Variants in GRIN2A observed in about 807,000 individuals in gnomAD.
The protein encoded by GRIN2A is glutamate ionotropic receptor NMDA type subunit 2A.
GRIN2A carries 22 observed loss-of-function variants against 113.4 expected under a neutral mutation model. The observed-to-expected ratio is 0.19, with a 90% CI of 0.14 to 0.28. The LOEUF (loss-of-function observed/expected upper bound fraction) is 0.28. Ranked by LOEUF, GRIN2A falls within the 10% of genes least tolerant of loss-of-function variation. The probability of loss-of-function intolerance (pLI) is 1.00; values close to 1 mark genes in which losing one functional copy is unlikely to be tolerated. For missense variants in GRIN2A, 1,502 were observed against 1,887.0 expected (o/e 0.80, Z 3.78); for synonymous variants, 827 against 738.4 (o/e 1.12, Z -1.94).
At chr16:9,954,145 C>T (rs1006033862) in intron 2 of GRIN2A, among the ~76,000 whole-genome samples, 1 of 152,174 alleles carries the variant, frequency 6.6e-6, no homozygotes, top group Non-Finnish European at 1.5e-5. Context: ...TAACTCCCTA[C>T]ATGCTAAAGG....
intron 5 of GRIN2A, among the ~76,000 whole-genome samples, chr16:9,848,496 G>A (rs1374136988): frequency 6.6e-6 from 1 of 150,964 alleles, no homozygotes; most frequent in Non-Finnish European, 1.5e-5. Context: ...GATTATAGAT[G>A]TGAATCACTG....
At chr16:10,103,066 A>G (rs7206256) in intron 2 of GRIN2A, among the ~76,000 whole-genome samples, 61,607 of 152,066 alleles carry the variant, frequency 0.41, 12,639 homozygotes, top group East Asian at 0.46. Context: ...GACTAGCTGG[A>G]AAGATACTAA....
At chr16:9,979,917 T>TTGAAAA (rs1048470320) in intron 2 of GRIN2A, among the ~76,000 whole-genome samples, 8 of 150,600 alleles carry the variant, frequency 5.3e-5, no homozygotes, top group Non-Finnish European at 1.2e-4. Context: ...TTATATTATA[T>TTGAAAA]TGAAAATGAA....
chr16:9,885,674 C>G (rs910710444), intron 4 of GRIN2A, among the ~76,000 whole-genome samples: 10 of 152,222 alleles, frequency 6.6e-5, no homozygotes, highest in African/African-American at 2.4e-4. Flanking sequence ...ACAGCTCCCT[C>G]CTCAGCAGTC....
chr16:9,882,880 A>C (rs2043510898), intron 4 of GRIN2A, among the ~76,000 whole-genome samples: 1 of 152,240 alleles, frequency 6.6e-6, no homozygotes, highest in South Asian at 2.1e-4. Context: ...AATTGCATCC[A>C]GTGAGAGGAA....
At chr16:9,803,425 AAC>A (rs1491014612) in intron 10 of GRIN2A, among the ~76,000 whole-genome samples, 1 of 150,408 alleles carries the variant, frequency 6.6e-6, no homozygotes, top group African/African-American at 2.5e-5. Context: ...CAAAAAAAAA[AAC>A]AAGAAAGAAA....
chr16:10,035,557 C>T (rs1305858498), intron 2 of GRIN2A, among the ~76,000 whole-genome samples: 1 of 152,192 alleles, frequency 6.6e-6, no homozygotes, highest in African/African-American at 2.4e-5. Flanking sequence ...CAGGGTCTCA[C>T]AGACCCTAGG....
intron 4 of GRIN2A, among the ~76,000 whole-genome samples, chr16:9,869,103 C>T (rs1474639348): frequency 6.6e-6 from 1 of 152,124 alleles, no homozygotes; most frequent in Non-Finnish European, 1.5e-5. Context: ...GTACCCAGCC[C>T]AGGGCTGCTT....
intron 11 of GRIN2A, among the ~76,000 whole-genome samples, chr16:9,788,607 T>C (rs9746769): frequency 2.0e-5 from 3 of 151,814 alleles, no homozygotes; most frequent in Admixed American, 6.6e-5. Context: ...TCTCCTTTTT[T>C]CCCCCTCTAA....
At chr16:9,783,206 TA>T in intron 11 of GRIN2A, among the ~76,000 whole-genome samples, 1 of 152,320 alleles carries the variant, frequency 6.6e-6, no homozygotes, top group Admixed American at 6.5e-5. Context: ...GAAATCCACA[TA>T]AAAAATTAGA....
chr16:9,798,341 G>C lies in GRIN2A; in HGVS notation c.2292C>G (p.Ala764=). The change falls in exon 11 of 13, where the codon GCC becomes GCG. Residue 764 remains alanine, a synonymous_variant. Transcript: ENST00000330684. The part of the protein sequence containing the change: ...YIFATTGYGI[A]LQKGSPWKRQ... The stretch of plus-strand genomic sequence containing the variant: ...TCTTCCAAGGAGAGCCTTTCTGAAG[G>C]GCAATTCCATAACCGGTGGTGGCAA... The C allele has an allele frequency of 6.2e-7, 1 of 1,613,994 alleles. No individual in the cohort carries two copies. The highest frequency in any genetic ancestry group is 8.5e-7 in the Non-Finnish European group (1 of 1,179,954).
chr16:10,095,616 T>C (rs1006734513), intron 2 of GRIN2A, among the ~76,000 whole-genome samples: 2 of 152,164 alleles, frequency 1.3e-5, no homozygotes, highest in South Asian at 4.1e-4. Flanking sequence ...CCTAATAATA[T>C]AGGAGCTACA....
At chr16:10,142,789 G>C (rs1329401462) in intron 2 of GRIN2A, among the ~76,000 whole-genome samples, 1 of 152,150 alleles carries the variant, frequency 6.6e-6, no homozygotes, top group Admixed American at 6.5e-5. Context: ...CTCTGAATCA[G>C]ACCCTCTTGC....
intron 2 of GRIN2A, among the ~76,000 whole-genome samples, chr16:9,998,332 C>T (rs981586430): frequency 6.6e-6 from 1 of 152,118 alleles, no homozygotes; most frequent in Non-Finnish European, 1.5e-5. Flanking sequence ...ATAAAATGTC[C>T]AGAATAGGCA....
At chr16:10,112,658 G>C in intron 2 of GRIN2A, 2 of 764,420 alleles carry the variant, frequency 2.6e-6, no homozygotes, top group South Asian at 2.7e-5. Context: ...GCAGCAGCCA[G>C]AAACGATACT....
In GRIN2A at chr16:9,826,552, AAAAC is replaced by A. The variant is rs1458372596; in HGVS notation, c.2007+2867_2007+2870del. On this transcript the variant is annotated intron_variant, in intron 9 of 12. Transcript: ENST00000330684. ...AACAAAAAAACAAAAACAAAAAACA[AAAAC>A]AAAACCAACCACAGTGTACAATAAA... 6.6e-5 allele frequency among the ~76,000 whole-genome samples: 10 copies of A among 152,332 alleles called. No individual in the cohort carries two copies. The East Asian group carries it at 1.5e-3, about 23-fold the overall frequency.
chr16:10,107,886 C>A (rs986045560), intron 2 of GRIN2A, among the ~76,000 whole-genome samples: 11 of 152,184 alleles, frequency 7.2e-5, no homozygotes, highest in Non-Finnish European at 1.3e-4. Flanking sequence ...CAGAGGTGCA[C>A]AAAACGTGCA....
chr16:9,966,732 C>T (rs2045562761), intron 2 of GRIN2A, among the ~76,000 whole-genome samples: 1 of 152,166 alleles, frequency 6.6e-6, no homozygotes, highest in Non-Finnish European at 1.5e-5. Flanking sequence ...TCTACACTCC[C>T]ACCAACAGTG....
intron 4 of GRIN2A, among the ~76,000 whole-genome samples, chr16:9,879,436 C>A (rs577928352): frequency 6.6e-6 from 1 of 152,244 alleles, no homozygotes; most frequent in East Asian, 1.9e-4. Flanking sequence ...CTATCTAATT[C>A]CCCTCTGTCA....
Sources: gnomAD v4.1 joint callset for allele counts (sites outside exome capture counted in the v4.1 genomes callset) on GRCh38, gnomAD v4.1.1 for gene constraint, MANE v1.5 for transcripts, NCBI Gene and HGNC (gene_info 2026-07-23, HGNC 2026-07-21) for gene names.